Variants in LAMA4 observed in about 807,000 individuals in gnomAD.
LAMA4 encodes laminin subunit alpha-4.
Under a neutral mutation model 207.1 loss-of-function variants are expected in LAMA4, and 127 were observed. The ratio of observed to expected loss-of-function variants is 0.61; its 90% CI spans 0.53 to 0.71. The LOEUF is 0.71. Ranked by LOEUF, LAMA4 falls within the 30% of genes least tolerant of loss-of-function variation. The pLI is 0.00. For missense variants in LAMA4, 2,093 were observed against 2,246.5 expected (o/e 0.93, Z 1.38); for synonymous variants, 761 against 816.0 (o/e 0.93, Z 1.15).
At chr6:112,166,029 G>C (rs1781365626) in intron 12 of LAMA4, among the ~76,000 whole-genome samples, 1 of 152,154 alleles carries the variant, frequency 6.6e-6, no homozygotes, top group South Asian at 2.1e-4. Context: ...TTTACAATTT[G>C]AGTGAAAAAT....
chr6:112,179,215 T>C (rs1782200821), intron 9 of LAMA4: 1 of 152,304 alleles, frequency 6.6e-6, no homozygotes, highest in African/African-American at 2.4e-5. Context: ...TCAAAAATAA[T>C]GCCCAACTCA....
chr6:112,226,978 T>C (rs1237045799), intron 2 of LAMA4, among the ~76,000 whole-genome samples: 1 of 151,960 alleles, frequency 6.6e-6, no homozygotes, highest in Non-Finnish European at 1.5e-5. Context: ...ATCTGAGAAA[T>C]CAGGCCAGTT....
At chr6:112,124,759 C>CTTT (rs36097503) in intron 31 of LAMA4, among the ~76,000 whole-genome samples, 1 of 140,494 alleles carries the variant, frequency 7.1e-6, no homozygotes. Context: ...ATAGGGGTAT[C>CTTT]TTTTTTTTTT....
At chr6:112,112,489 T>C (rs937273743) in intron 38 of LAMA4, among the ~76,000 whole-genome samples, 2 of 152,188 alleles carry the variant, frequency 1.3e-5, no homozygotes, top group African/African-American at 2.4e-5. Context: ...CATTTTAAAC[T>C]GTGTTGTGAT....
intron 12 of LAMA4, among the ~76,000 whole-genome samples, chr6:112,171,215 CTT>C (rs553860003): frequency 2.8e-3 from 398 of 143,526 alleles, no homozygotes; most frequent in African/African-American, 8.5e-3. Flanking sequence ...TCTGTCTCTC[CTT>C]TTTTTTTTTT....
In LAMA4 at chr6:112,208,674, A is replaced by G. The variant is rs903473142; in HGVS notation, c.298-1529T>C. ...TAAAATGAATGCATTAGAAGGCATC[A>G]GTGTTACTAACACTTTGAGCTTCAA... On this transcript the variant is annotated intron_variant, in intron 3 of 38. Transcript: ENST00000230538. 2.6e-5 allele frequency among the ~76,000 whole-genome samples: 4 copies of G among 152,238 alleles called. No individual in the cohort carries two copies. In the South Asian group the frequency reaches 6.2e-4, roughly 24 times the overall value.
rs1562691885 is a variant in LAMA4, at chr6:112,172,641, C to G, written c.1521G>C (p.Arg507Ser). 1.9e-6 allele frequency: 3 copies of G among 1,613,106 alleles called. No homozygotes were observed. Among genetic ancestry groups the G allele is most frequent in the South Asian group, 1.1e-5 (1 of 91,014 alleles). ...GGTCCCGCTGCCTGGCTGCTGTGGCCCTGTTCATGTCTTCGGCATCCCTGA... is the reference window on the plus strand; with the variant it reads ...GGTCCCGCTGCCTGGCTGCTGTGGCGCTGTTCATGTCTTCGGCATCCCTGA... ...NYVRDAEDMN[R>S]ATAARQRDHE... is the part of the protein sequence containing the mutation. The change falls in exon 12 of 39, where the codon AGG becomes AGC. Residue 507 changes from arginine (R) to serine (S), a missense_variant. This residue lies in a region of LAMA4 where 1,704 missense variants were observed against 1,788.4 expected (regional missense o/e 0.95). Coordinates refer to ENST00000230538, the MANE Select transcript of LAMA4 (RefSeq NM_001105206.3).
At chr6:112,178,004 T>C in intron 10 of LAMA4, 117 bp downstream of exon 10, 1 of 782,194 alleles carries the variant, frequency 1.3e-6, no homozygotes, top group Non-Finnish European at 2.3e-6. Flanking sequence ...CCTATAATAC[T>C]GTACCAACAA....
chr6:112,214,867 G>T (rs1784539813), intron 3 of LAMA4, among the ~76,000 whole-genome samples: 1 of 152,198 alleles, frequency 6.6e-6, no homozygotes, highest in Non-Finnish European at 1.5e-5. Context: ...TTCTGACAAT[G>T]TCATTGTAAA....
intron 2 of LAMA4, among the ~76,000 whole-genome samples, chr6:112,237,256 G>A (rs1786000137): frequency 1.3e-5 from 2 of 152,208 alleles, no homozygotes; most frequent in Admixed American, 1.3e-4. Context: ...AGCTATTACA[G>A]GGGTGCTCTG....
intron 12 of LAMA4, among the ~76,000 whole-genome samples, chr6:112,167,482 C>G (rs1781446125): frequency 6.6e-6 from 1 of 152,152 alleles, no homozygotes; most frequent in Non-Finnish European, 1.5e-5. Flanking sequence ...CCATTCAAAT[C>G]TATTTGTCGT....
chr6:112,117,843 GC>G lies in LAMA4; in HGVS notation c.4876del (p.Ala1626ProfsTer12). 6.2e-7 allele frequency: 1 copy of G among 1,613,584 alleles called. No homozygotes were observed. The highest frequency in any genetic ancestry group is 8.5e-7 in the Non-Finnish European group (1 of 1,179,622). On this transcript the variant is annotated frameshift_variant, in exon 35 of 39. Transcript: ENST00000230538. LOFTEE classifies it high-confidence loss of function. This position sits in a 1 kb window ranked among gnomAD's most constrained non-coding sequence, Gnocchi z 4.5. The stretch of plus-strand genomic sequence containing the variant: ...TGTCTGAGAAGCAGAGGTGATGGAG[GC>G]CCCATTGAGCTGGAGATTGCTGAGA... ...GCLSNLQLNG[A>X]SITSASQTFS... is the part of the protein sequence containing the mutation.
At chr6:112,156,941 A>C (rs1780753079) in intron 14 of LAMA4, among the ~76,000 whole-genome samples, 1 of 151,432 alleles carries the variant, frequency 6.6e-6, no homozygotes, top group African/African-American at 2.4e-5. Context: ...TTTTTCAATC[A>C]GAAGGAAAAA....
intron 2 of LAMA4, among the ~76,000 whole-genome samples, chr6:112,221,915 A>G (rs553701901): frequency 6.6e-6 from 1 of 152,350 alleles, no homozygotes; most frequent in African/African-American, 2.4e-5. Context: ...GAATATATTA[A>G]ATGAGTAGGT....
At chr6:112,123,933 C>G (rs1237014479) in intron 31 of LAMA4, among the ~76,000 whole-genome samples, 1 of 152,180 alleles carries the variant, frequency 6.6e-6, no homozygotes, top group African/African-American at 2.4e-5. Context: ...TCCAGGCTCT[C>G]ACCTACAGAT....
At chr6:112,239,749 A>G (rs1245855596) in intron 2 of LAMA4, among the ~76,000 whole-genome samples, 1 of 152,160 alleles carries the variant, frequency 6.6e-6, no homozygotes, top group Non-Finnish European at 1.5e-5. Flanking sequence ...TAAAGGAGTT[A>G]GCAGCCTATG....
At chr6:112,178,074 T>G in intron 10 of LAMA4, 47 bp downstream of exon 10, 1 of 1,311,672 alleles carries the variant, frequency 7.6e-7, no homozygotes, top group Non-Finnish European at 1.1e-6. Context: ...GTTAATAACA[T>G]AAGTGTTTCC....
intron 31 of LAMA4, among the ~76,000 whole-genome samples, chr6:112,123,089 G>C (rs1322237496): frequency 6.6e-6 from 1 of 152,150 alleles, no homozygotes; most frequent in Non-Finnish European, 1.5e-5. Context: ...TTAGATGATT[G>C]CTGGAAGTTT....
chr6:112,148,107 A>T, intron 18 of LAMA4, 50 bp downstream of exon 18: 1 of 1,541,666 alleles, frequency 6.5e-7, no homozygotes, highest in Non-Finnish European at 9.0e-7. Flanking sequence ...TATAGAGTTT[A>T]ATGGCCAATT....
Sources: gnomAD v4.1 joint callset for allele counts (sites outside exome capture counted in the v4.1 genomes callset) on GRCh38, gnomAD v4.1.1 for gene constraint, gnomAD v4.1.1 regional missense constraint, Gnocchi (gnomAD v3.1) non-coding constraint, MANE v1.5 for transcripts, NCBI Gene and HGNC (gene_info 2026-07-23, HGNC 2026-07-21) for gene names.